Variants in STK3 observed in about 807,000 individuals in gnomAD.
STK3 encodes serine/threonine kinase 3, also known as serine/threonine-protein kinase 3.
In STK3, 41 loss-of-function variants were observed where a neutral mutation model predicts 58.0. That is an observed-to-expected ratio of 0.71 (90% CI 0.55 to 0.92). The LOEUF is 0.92. STK3 is among the 40% of genes least tolerant of loss of function. STK3 has a pLI of 0.00. For synonymous variants in STK3, 170 were observed against 191.0 expected (o/e 0.89, Z 0.91); for missense variants, 479 against 602.7 (o/e 0.79, Z 2.15).
upstream of STK3, among the ~76,000 whole-genome samples, chr8:98,390,015 T>C (rs1310044141): frequency 2.0e-5 from 3 of 152,080 alleles, no homozygotes; most frequent in African/African-American, 4.8e-5. Flanking sequence ...GCGGTTAACA[T>C]GTGCCCTTGG....
At chr8:98,350,831 G>A in the STK3 span, among the ~76,000 whole-genome samples, 3 of 152,128 alleles carry the variant, frequency 2.0e-5, no homozygotes, top group Non-Finnish European at 2.9e-5. Flanking sequence ...CACAACATGT[G>A]GGAATTATGG....
intron 3 of STK3, chr8:98,429,146 G>A (rs140581743): frequency 7.7e-5 from 125 of 1,613,208 alleles, no homozygotes; most frequent in Non-Finnish European, 1.0e-4. Flanking sequence ...CAGGAAAGCT[G>A]ACTGCCTCTG....
chr8:98,538,186 A>C (rs1809941616), intron 9 of STK3, among the ~76,000 whole-genome samples: 1 of 152,222 alleles, frequency 6.6e-6, no homozygotes, highest in Non-Finnish European at 1.5e-5. Flanking sequence ...AAATATTTTA[A>C]GATGTGGGTG....
At chr8:98,882,957 C>G (rs190121205), downstream of STK3, 1 of 152,286 alleles carries the variant, frequency 6.6e-6, no homozygotes, top group East Asian at 1.9e-4. Context: ...ACCACATCAT[C>G]GTAGGAACCT....
intron 3 of STK3, among the ~76,000 whole-genome samples, chr8:98,842,423 C>A (rs2131812055): frequency 6.6e-6 from 1 of 152,324 alleles, no homozygotes; most frequent in East Asian, 1.9e-4. Context: ...CACCTATAAT[C>A]CCAACACTTT....
downstream of STK3, among the ~76,000 whole-genome samples, chr8:98,370,342 AGT>A (rs35062643): frequency 0.029 from 3,953 of 138,500 alleles, 82 homozygotes; most frequent in African/African-American, 0.061. Flanking sequence ...TGACCTCTGC[AGT>A]GTGTGTGTGT....
intron 6 of STK3, among the ~76,000 whole-genome samples, chr8:98,615,183 AC>A (rs1395542347): frequency 6.7e-6 from 1 of 150,290 alleles, no homozygotes; most frequent in Non-Finnish European, 1.5e-5. Flanking sequence ...ACTGGGAGGC[AC>A]CCCCTAGCAG....
At chr8:98,733,696 CA>C (rs1403189640) in intron 4 of STK3, among the ~76,000 whole-genome samples, 1 of 152,018 alleles carries the variant, frequency 6.6e-6, no homozygotes, top group African/African-American at 2.4e-5. Context: ...TAACTCTTTG[CA>C]AAACAGAATT....
chr8:98,374,848 T>C (rs549441407), intron 2 of STK3, among the ~76,000 whole-genome samples: 1 of 152,234 alleles, frequency 6.6e-6, no homozygotes, highest in East Asian at 1.9e-4. Context: ...GAAGGATACA[T>C]GAGAAGCTAG....
At chr8:98,757,187 CT>C (rs143609174) in intron 3 of STK3, among the ~76,000 whole-genome samples, 2,698 of 146,082 alleles carry the variant, frequency 0.018, 24 homozygotes, top group Non-Finnish European at 0.021. Flanking sequence ...ATAAAGCATA[CT>C]TTTTTTTTTT....
At chr8:98,463,376 T>C (rs1404134313) in intron 10 of STK3, among the ~76,000 whole-genome samples, 1 of 151,614 alleles carries the variant, frequency 6.6e-6, no homozygotes, top group African/African-American at 2.4e-5. Context: ...CATTTCTCAG[T>C]ATTTCTAAAA....
At chr8:98,676,675 G>C (rs1823236954) in intron 6 of STK3, among the ~76,000 whole-genome samples, 1 of 151,192 alleles carries the variant, frequency 6.6e-6, no homozygotes, top group Non-Finnish European at 1.5e-5. Context: ...CAATAAAAAA[G>C]TAAAAAAAAA....
At chr8:98,430,874 G>C (rs1680067792) in intron 3 of STK3, 1 of 167,062 alleles carries the variant, frequency 6.0e-6, no homozygotes, top group Non-Finnish European at 1.5e-5. Context: ...GTATTGAAGG[G>C]AGACGACTGT....
chr8:98,903,567 TTTTA>T (rs1838767800), intron 1 of STK3, among the ~76,000 whole-genome samples: 1 of 147,958 alleles, frequency 6.8e-6, no homozygotes, highest in African/African-American at 2.5e-5. Flanking sequence ...CTTTTTTTTT[TTTTA>T]AGTGGGGCCT....
At chr8:98,657,834 A>G (rs111651211) in intron 6 of STK3, among the ~76,000 whole-genome samples, 104 of 152,200 alleles carry the variant, frequency 6.8e-4, no homozygotes, top group Admixed American at 1.1e-3. Context: ...ATGGAAATAA[A>G]ACTAGAATAA....
chr8:98,430,287 G>A (rs1818309419), intron 3 of STK3: 1 of 167,032 alleles, frequency 6.0e-6, no homozygotes, highest in South Asian at 2.1e-4. Context: ...TCCGGATGAG[G>A]TTTCTGATCT....
At chr8:98,350,786 C>T in the STK3 span, among the ~76,000 whole-genome samples, 1 of 152,074 alleles carries the variant, frequency 6.6e-6, no homozygotes, top group Non-Finnish European at 1.5e-5. Context: ...GGGAAACTGC[C>T]CCCATGATTC....
intron 10 of STK3, among the ~76,000 whole-genome samples, chr8:98,479,621 A>C (rs1358095331): frequency 1.3e-5 from 2 of 152,088 alleles, no homozygotes; most frequent in Admixed American, 6.5e-5. Flanking sequence ...CCAACTACTG[A>C]AGTCTCTAAA....
chr8:98,515,341 A>C (rs1824844431), intron 10 of STK3, among the ~76,000 whole-genome samples: 1 of 152,130 alleles, frequency 6.6e-6, no homozygotes, highest in Non-Finnish European at 1.5e-5. Flanking sequence ...ATCCAATACT[A>C]GTCTGTTCAG....
Sources: gnomAD v4.1 joint callset for allele counts (sites outside exome capture counted in the v4.1 genomes callset) on GRCh38, gnomAD v4.1.1 for gene constraint, MANE v1.5 for transcripts, NCBI Gene and HGNC (gene_info 2026-07-23, HGNC 2026-07-21) for gene names.